The following TESC variants were observed in gnomAD, a reference collection of about 807,000 sequenced individuals.
TESC encodes the protein tescalcin.
In TESC, 19 loss-of-function variants were observed where a neutral mutation model predicts 31.0. The observed-to-expected ratio is 0.61, with a 90% CI of 0.43 to 0.90. TESC has a LOEUF of 0.90. Ranked by LOEUF, TESC falls within the 40% of genes least tolerant of loss-of-function variation. TESC has a pLI of 0.00. For synonymous variants in TESC, 109 were observed against 114.8 expected (o/e 0.95, Z 0.32); for missense variants, 248 against 303.8 (o/e 0.82, Z 1.36).
chr12:117,086,460 G>A (rs1106277), intron 1 of TESC, among the ~76,000 whole-genome samples: 80,069 of 151,706 alleles, frequency 0.53, 22,535 homozygotes, highest in African/African-American at 0.74. Context: ...AGGGTCTCTC[G>A]CTCTGTCACC....
chr12:117,085,223 A>G (rs763503365), intron 1 of TESC, among the ~76,000 whole-genome samples: 5 of 152,144 alleles, frequency 3.3e-5, no homozygotes, highest in African/African-American at 4.8e-5. Flanking sequence ...GTGGGTAGAA[A>G]ACAGGCAGGG....
chr12:117,054,928 C>A (rs1300794541), intron 3 of TESC, among the ~76,000 whole-genome samples: 1 of 152,166 alleles, frequency 6.6e-6, no homozygotes, highest in Non-Finnish European at 1.5e-5. Flanking sequence ...GGTATACCCA[C>A]CCCTTCATCC....
intron 3 of TESC, among the ~76,000 whole-genome samples, chr12:117,052,656 C>A (rs1289744031): frequency 6.6e-6 from 1 of 152,102 alleles, no homozygotes; most frequent in African/African-American, 2.4e-5. Flanking sequence ...CTAGCTCAGC[C>A]CAGGAGATCC....
intron 2 of TESC, among the ~76,000 whole-genome samples, chr12:117,065,755 G>A (rs1373530543): frequency 5.9e-5 from 9 of 152,088 alleles, no homozygotes; most frequent in Admixed American, 2.0e-4. Flanking sequence ...CGGGTATGGT[G>A]GTACATGCCT....
At chr12:117,085,449 GC>G (rs1342802827) in intron 1 of TESC, among the ~76,000 whole-genome samples, 1 of 152,158 alleles carries the variant, frequency 6.6e-6, no homozygotes, top group Admixed American at 6.5e-5. Flanking sequence ...TCAGGGCAAG[GC>G]CCCACTGGAA....
intron 2 of TESC, among the ~76,000 whole-genome samples, chr12:117,064,481 C>T (rs1482681555): frequency 2.0e-5 from 3 of 152,198 alleles, no homozygotes; most frequent in African/African-American, 7.2e-5. Context: ...CCACTTTCCC[C>T]AACACCTGGA....
intron 2 of TESC, among the ~76,000 whole-genome samples, chr12:117,066,525 C>T (rs1954886084): frequency 6.6e-6 from 1 of 152,040 alleles, no homozygotes. Context: ...GCACCCACCA[C>T]CACGCCTGGC....
chr12:117,095,368 C>T (rs1192528545), intron 1 of TESC, among the ~76,000 whole-genome samples: 1 of 152,178 alleles, frequency 6.6e-6, no homozygotes, highest in Non-Finnish European at 1.5e-5. Context: ...CCACCACGCC[C>T]GGCCTAGACC....
chr12:117,081,978 C>T (rs958854155), intron 1 of TESC, among the ~76,000 whole-genome samples: 1 of 150,708 alleles, frequency 6.6e-6, no homozygotes, highest in African/African-American at 2.5e-5. Context: ...AATCCCAGCA[C>T]TCTGGGAAGC....
At chr12:117,076,339 G>C (rs1955073966) in intron 1 of TESC, among the ~76,000 whole-genome samples, 1 of 152,126 alleles carries the variant, frequency 6.6e-6, no homozygotes, top group Admixed American at 6.6e-5. Flanking sequence ...CTCCAATCTG[G>C]TGATGGGGTA....
intron 2 of TESC, among the ~76,000 whole-genome samples, chr12:117,070,319 G>A (rs1746223559): frequency 6.6e-6 from 1 of 152,186 alleles, no homozygotes. Context: ...CTAGGCCCTG[G>A]AGGGTGGATT....
intron 3 of TESC, chr12:117,053,799 G>C (rs1954683259): frequency 6.6e-6 from 1 of 152,314 alleles, no homozygotes; most frequent in South Asian, 2.1e-4. Context: ...GGCACCCCCT[G>C]GGCTCTGGTC....
intron 6 of TESC, among the ~76,000 whole-genome samples, chr12:117,044,339 C>A (rs538828175): frequency 6.6e-6 from 1 of 152,284 alleles, no homozygotes; most frequent in South Asian, 2.1e-4. Flanking sequence ...TGGGCCAGCC[C>A]TGTCCCTAAT....
intron 1 of TESC, among the ~76,000 whole-genome samples, chr12:117,094,511 G>A (rs972964562): frequency 6.6e-6 from 1 of 152,164 alleles, no homozygotes; most frequent in Admixed American, 6.5e-5. Context: ...AACAAGACAC[G>A]TTCTTTCTGC....
intron 1 of TESC, among the ~76,000 whole-genome samples, chr12:117,086,427 C>A (rs1565975588): frequency 6.6e-6 from 1 of 151,398 alleles, no homozygotes. Context: ...AAAATGGTTA[C>A]AATGTTAACT....
At chr12:117,066,269 C>A (rs895377459) in intron 2 of TESC, among the ~76,000 whole-genome samples, 6 of 130,270 alleles carry the variant, frequency 4.6e-5, no homozygotes, top group Non-Finnish European at 9.2e-5. Flanking sequence ...TACAGTGGTG[C>A]GATTTTGGCT....
intron 6 of TESC, among the ~76,000 whole-genome samples, chr12:117,045,985 T>C (rs1954552003): frequency 6.6e-6 from 1 of 152,172 alleles, no homozygotes; most frequent in Non-Finnish European, 1.5e-5. Context: ...TCTCTGAGTC[T>C]CAGTTTTCCC....
At chr12:117,062,032 A>T (rs900067755) in intron 2 of TESC, among the ~76,000 whole-genome samples, 2 of 152,210 alleles carry the variant, frequency 1.3e-5, no homozygotes, top group African/African-American at 4.8e-5. Flanking sequence ...TAATTTTAAA[A>T]TAATAACAGT....
chr12:117,066,427 A>G, intron 2 of TESC, among the ~76,000 whole-genome samples: 1 of 146,692 alleles, frequency 6.8e-6, no homozygotes, highest in Non-Finnish European at 1.5e-5. Context: ...GCTGGAGTGC[A>G]GTGGCGCTAT....
Sources: gnomAD v4.1 joint callset for allele counts (sites outside exome capture counted in the v4.1 genomes callset) on GRCh38, gnomAD v4.1.1 for gene constraint, MANE v1.5 for transcripts, NCBI Gene and HGNC (gene_info 2026-07-23, HGNC 2026-07-21) for gene names.